The following QTMAN variants were observed in gnomAD, a reference collection of about 807,000 sequenced individuals.
The protein encoded by QTMAN is queuosine-tRNA mannosyltransferase.
chr2:144,313,519 A>G, the QTMAN span, among the ~76,000 whole-genome samples: 1 of 152,222 alleles, frequency 6.6e-6, no homozygotes, highest in East Asian at 1.9e-4. Context: ...AAACATATCA[A>G]GGAAAAAGAA....
At chr2:144,307,191 A>T in the QTMAN span, among the ~76,000 whole-genome samples, 1 of 149,634 alleles carries the variant, frequency 6.7e-6, no homozygotes. Flanking sequence ...AAACAATTAA[A>T]AAAAAAAAAA....
chr2:144,282,954 C>T, the QTMAN span, among the ~76,000 whole-genome samples: 4 of 152,198 alleles, frequency 2.6e-5, no homozygotes, highest in African/African-American at 9.7e-5. Context: ...TTGGTGAATA[C>T]ATCCACGTGC....
the QTMAN span, among the ~76,000 whole-genome samples, chr2:144,002,574 T>C: frequency 6.6e-6 from 1 of 152,026 alleles, no homozygotes; most frequent in Non-Finnish European, 1.5e-5. Context: ...AAAATGTCTA[T>C]GAGATCAATG....
chr2:143,956,313 A>G, the QTMAN span, among the ~76,000 whole-genome samples: 2 of 152,182 alleles, frequency 1.3e-5, no homozygotes, highest in Admixed American at 6.5e-5. Flanking sequence ...TCTAAAGGGT[A>G]TAGAGTAAGT....
the QTMAN span, among the ~76,000 whole-genome samples, chr2:143,972,193 T>C: frequency 2.9e-4 from 44 of 152,150 alleles, 1 homozygote; most frequent in Non-Finnish European, 7.4e-5. Flanking sequence ...AGTTTGAAAG[T>C]AAAGAATATG....
the QTMAN span, among the ~76,000 whole-genome samples, chr2:144,285,536 C>T: frequency 6.6e-6 from 1 of 152,178 alleles, no homozygotes; most frequent in Non-Finnish European, 1.5e-5. Flanking sequence ...AGTGGCAGAA[C>T]TGTGACTTGA....
chr2:144,262,569 C>CA, the QTMAN span, among the ~76,000 whole-genome samples: 47,590 of 49,620 alleles, frequency 0.96, 22,836 homozygotes, highest in Middle Eastern at 1. Context: ...GATGCTGTCT[C>CA]AAAAAAAAAA....
chr2:144,074,783 C>T, the QTMAN span, among the ~76,000 whole-genome samples: 1 of 152,114 alleles, frequency 6.6e-6, no homozygotes, highest in African/African-American at 2.4e-5. Context: ...TAGATTATAT[C>T]CAGAGTATTA....
the QTMAN span, among the ~76,000 whole-genome samples, chr2:144,230,656 T>C: frequency 6.6e-6 from 1 of 152,180 alleles, no homozygotes; most frequent in African/African-American, 2.4e-5. Flanking sequence ...AAATACCCAT[T>C]GTTGCCTGGT....
the QTMAN span, among the ~76,000 whole-genome samples, chr2:143,948,067 T>C: frequency 6.6e-6 from 1 of 152,170 alleles, no homozygotes; most frequent in East Asian, 1.9e-4. Context: ...TGGAGCAGTA[T>C]TAAAACTAGT....
chr2:144,084,457 A>C, the QTMAN span, among the ~76,000 whole-genome samples: 7 of 152,182 alleles, frequency 4.6e-5, no homozygotes, highest in African/African-American at 7.2e-5. Context: ...ATGTATGTAC[A>C]TTTATGCATT....
chr2:144,235,735 T>C, the QTMAN span: 3 of 152,548 alleles, frequency 2.0e-5, no homozygotes, highest in African/African-American at 7.2e-5. Flanking sequence ...AATGCAGAGA[T>C]ACCTGTAAGA....
the QTMAN span, among the ~76,000 whole-genome samples, chr2:144,275,871 A>G: frequency 6.6e-6 from 1 of 152,266 alleles, no homozygotes; most frequent in East Asian, 1.9e-4. Flanking sequence ...ATATATATAT[A>G]ATGTTGTAAA....
At chr2:144,203,982 T>C in the QTMAN span, among the ~76,000 whole-genome samples, 1 of 152,004 alleles carries the variant, frequency 6.6e-6, no homozygotes, top group African/African-American at 2.4e-5. Flanking sequence ...TTACACCTTA[T>C]ACAAAAATTA....
the QTMAN span, among the ~76,000 whole-genome samples, chr2:144,146,305 T>G: frequency 6.6e-6 from 1 of 150,684 alleles, no homozygotes; most frequent in Non-Finnish European, 1.5e-5. Flanking sequence ...CTTGTATTTT[T>G]AAAAACATCT....
the QTMAN span, among the ~76,000 whole-genome samples, chr2:144,018,363 C>T: frequency 6.6e-6 from 1 of 151,828 alleles, no homozygotes; most frequent in Non-Finnish European, 1.5e-5. Context: ...AATGTTCGGA[C>T]AGTAAGTATT....
the QTMAN span, among the ~76,000 whole-genome samples, chr2:144,219,119 A>G: frequency 6.6e-6 from 1 of 151,782 alleles, no homozygotes; most frequent in Admixed American, 6.6e-5. Context: ...GCAGTAACAG[A>G]CCTTTTTTTT....
the QTMAN span, among the ~76,000 whole-genome samples, chr2:144,081,072 A>G: frequency 6.6e-6 from 1 of 152,156 alleles, no homozygotes; most frequent in Non-Finnish European, 1.5e-5. Flanking sequence ...AAAACCTTTA[A>G]CTGCTTACTA....
the QTMAN span, among the ~76,000 whole-genome samples, chr2:144,222,801 C>T: frequency 6.6e-6 from 1 of 152,056 alleles, no homozygotes; most frequent in Non-Finnish European, 1.5e-5. Flanking sequence ...GAGCGAGACT[C>T]TGTCACAGAA....
Sources: allele counts gnomAD v4.1 joint callset (sites outside exome capture counted in the v4.1 genomes callset), GRCh38; gene constraint gnomAD v4.1.1; transcripts MANE v1.5; gene names NCBI Gene and HGNC (gene_info 2026-07-23, HGNC 2026-07-21).